The following ATAD2B variants were observed in gnomAD, a reference collection of about 807,000 sequenced individuals.
The protein encoded by ATAD2B is ATPase family AAA domain containing 2B, also known as ATPase family AAA domain-containing protein 2B.
ATAD2B carries 40 observed loss-of-function variants against 167.6 expected under a neutral mutation model. The ratio of observed to expected loss-of-function variants is 0.24; its 90% confidence interval spans 0.19 to 0.31. The LOEUF (loss-of-function observed/expected upper bound fraction) is 0.31. Ranked by LOEUF, ATAD2B falls within the 10% of genes least tolerant of loss-of-function variation. ATAD2B has a pLI of 1.00. For missense variants in ATAD2B, 1,242 were observed against 1,757.2 expected (o/e 0.71, Z 5.24); for synonymous variants, 579 against 596.5 (o/e 0.97, Z 0.43).
Position 23,920,986 on chromosome 2 carries a change from C to A in ATAD2B, c.216+5569G>T, listed in dbSNP as rs150155623. ...TTGGGAGACCGAGGCGGGCGGGTCG[C>A]CTGAGGTCAGGAGTTCGAGACCAGC... is the stretch of plus-strand genomic sequence containing the variant. On this transcript the variant is annotated intron_variant, in intron 1 of 27. Transcript: ENST00000238789. Among the ~76,000 whole-genome samples the A allele has an allele frequency of 6.0e-3, 917 of 152,180 alleles. 2 individuals carry two copies. The highest frequency in any genetic ancestry group is 9.4e-3 in the Non-Finnish European group (640 of 67,998).
intron 17 of ATAD2B, among the ~76,000 whole-genome samples, chr2:23,817,038 C>T (rs1686552726): frequency 6.6e-6 from 1 of 152,140 alleles, no homozygotes. Flanking sequence ...GTAATGCTAA[C>T]GTATCTTGCT....
chr2:23,853,322 C>T (rs1484859107), intron 13 of ATAD2B, among the ~76,000 whole-genome samples: 1 of 152,090 alleles, frequency 6.6e-6, no homozygotes, highest in African/African-American at 2.4e-5. Flanking sequence ...TGTATAAAAC[C>T]GTAAGGAAAC....
chr2:23,876,308 C>CT (rs1324917510), intron 7 of ATAD2B, among the ~76,000 whole-genome samples: 1,946 of 134,528 alleles, frequency 0.014, 35 homozygotes, highest in African/African-American at 0.049. Flanking sequence ...ACTTTTTTTT[C>CT]TTTTTTTTTT....
chr2:23,739,974 A>G, the ATAD2B span, among the ~76,000 whole-genome samples: 1 of 152,228 alleles, frequency 6.6e-6, no homozygotes, highest in Non-Finnish European at 1.5e-5. Context: ...ATTCCTCGAC[A>G]CATACATCCT....
intron 2 of ATAD2B, among the ~76,000 whole-genome samples, chr2:23,892,642 G>C (rs1467392092): frequency 6.6e-6 from 1 of 151,514 alleles, no homozygotes; most frequent in Non-Finnish European, 1.5e-5. Context: ...GCTAATTTTT[G>C]TATTTTTAGT....
intron 1 of ATAD2B, among the ~76,000 whole-genome samples, chr2:23,917,498 TG>T (rs1443490946): frequency 6.6e-6 from 1 of 152,050 alleles, no homozygotes; most frequent in Non-Finnish European, 1.5e-5. Context: ...TAAACGCAAA[TG>T]TATACACTGT....
chr2:23,695,209 C>G, the ATAD2B span, among the ~76,000 whole-genome samples: 1 of 152,130 alleles, frequency 6.6e-6, no homozygotes, highest in Non-Finnish European at 1.5e-5. The surrounding 1 kb of genome is among the most constrained non-coding windows in gnomAD (Gnocchi z 7.6). Context: ...TTCCTGGGTC[C>G]TCCCACCTGT....
intron 8 of ATAD2B, chr2:23,872,738 T>C (rs1305199395): frequency 2.9e-6 from 3 of 1,025,836 alleles, no homozygotes; most frequent in Non-Finnish European, 3.0e-6. Context: ...ACCCCCATAG[T>C]GCTGCTCACT....
At chr2:23,696,981 C>T in the ATAD2B span, 1 of 162,204 alleles carries the variant, frequency 6.2e-6, no homozygotes, top group South Asian at 1.7e-4. The surrounding 1 kb of genome is among the most constrained non-coding windows in gnomAD (Gnocchi z 5.5). Flanking sequence ...GGGGGTCCCA[C>T]ACCAGGGAGC....
chr2:23,724,237 AATAT>A, the ATAD2B span, among the ~76,000 whole-genome samples: 1 of 152,156 alleles, frequency 6.6e-6, no homozygotes. Flanking sequence ...AGTTAACAAT[AATAT>A]ATAGTTTCAA....
the ATAD2B span, chr2:23,691,301 C>T: frequency 6.8e-5 from 19 of 278,112 alleles, no homozygotes; most frequent in East Asian, 8.2e-4. Flanking sequence ...CAGGCAGGGC[C>T]GGGCTGGGAT....
the ATAD2B span, among the ~76,000 whole-genome samples, chr2:23,732,986 T>C: frequency 6.6e-6 from 1 of 152,194 alleles, no homozygotes. Flanking sequence ...GTGATAATAG[T>C]ATCTAATTCA....
chr2:23,706,908 G>C, the ATAD2B span: 6 of 428,824 alleles, frequency 1.4e-5, no homozygotes, highest in Admixed American at 2.2e-4. Flanking sequence ...GCTGCCTCCT[G>C]AACAGGGGCG....
At chr2:23,878,886 T>C (rs1697439893) in intron 7 of ATAD2B, among the ~76,000 whole-genome samples, 1 of 152,160 alleles carries the variant, frequency 6.6e-6, no homozygotes, top group Non-Finnish European at 1.5e-5. Flanking sequence ...ACAGACATTT[T>C]ACCCAAGATT....
In ATAD2B at chr2:23,765,509, T is replaced by G. The variant is rs371848643; in HGVS notation, c.3253A>C (p.Arg1085=). The change falls in exon 23 of 28, where the codon AGA becomes CGA. Residue 1085 remains arginine, a synonymous_variant. Coordinates refer to ENST00000238789, the MANE Select transcript of ATAD2B (RefSeq NM_017552.4). ...CEEIKEARIK[R]GLSVTSEQIN... ...CAAGTTTATTTCTACAACTTACCTC[T>G]TTTTATTCTTGCTTCCTTAATTTCC... is the stretch of plus-strand genomic sequence containing the variant. The G allele has an allele frequency of 6.0e-5, 96 of 1,598,436 alleles. No homozygotes were observed. The African/African-American group carries it at 1.2e-3, about 19-fold the overall frequency.
chr2:23,723,278 G>C, the ATAD2B span, among the ~76,000 whole-genome samples: 5 of 149,006 alleles, frequency 3.4e-5, no homozygotes, highest in African/African-American at 1.2e-4. Flanking sequence ...GGGTGACAGA[G>C]TGAGATCCTG....
At chr2:23,726,729 T>C in the ATAD2B span, among the ~76,000 whole-genome samples, 2 of 152,148 alleles carry the variant, frequency 1.3e-5, no homozygotes, top group East Asian at 1.9e-4. Flanking sequence ...AAGGACACTA[T>C]GGTAAATTAA....
intron 6 of ATAD2B, among the ~76,000 whole-genome samples, chr2:23,882,677 G>A (rs1037136996): frequency 1.3e-5 from 2 of 151,806 alleles, no homozygotes; most frequent in Admixed American, 1.3e-4. Context: ...AGGCATGGTG[G>A]CGGGTGCCTG....
chr2:23,769,765 G>T (rs1263041447), intron 22 of ATAD2B, among the ~76,000 whole-genome samples: 1 of 146,740 alleles, frequency 6.8e-6, no homozygotes, highest in Non-Finnish European at 1.5e-5. Context: ...GCCCAGGCTG[G>T]AGTGCAGTGG....
Sources: gnomAD v4.1 joint callset for allele counts (sites outside exome capture counted in the v4.1 genomes callset) on GRCh38, gnomAD v4.1.1 for gene constraint, Gnocchi (gnomAD v3.1) non-coding constraint, MANE v1.5 for transcripts, NCBI Gene and HGNC (gene_info 2026-07-23, HGNC 2026-07-21) for gene names.